CSMD1: variants seen among roughly 807,000 people sequenced by gnomAD.
The protein encoded by CSMD1 is CUB and sushi domain-containing protein 1.
CSMD1 carries 213 observed loss-of-function variants against 417.5 expected under a neutral mutation model. The observed-to-expected ratio is 0.51, with a 90% CI of 0.46 to 0.57. CSMD1 has a LOEUF of 0.57. CSMD1 is among the 20% of genes least tolerant of loss of function. CSMD1 has a pLI of 0.00. For missense variants in CSMD1, 6,923 were observed against 4,529.7 expected (o/e 1.53, Z -15.17); for synonymous variants, 2,862 against 1,736.8 (o/e 1.65, Z -16.11).
chr8:3,625,829 T>C (rs1367379071), intron 7 of CSMD1, among the ~76,000 whole-genome samples: 2 of 152,150 alleles, frequency 1.3e-5, no homozygotes, highest in African/African-American at 2.4e-5. Flanking sequence ...AGGTTATTTT[T>C]CTATCAGAGG....
chr8:4,392,658 TA>T (rs1803924265), intron 3 of CSMD1, among the ~76,000 whole-genome samples: 3 of 150,572 alleles, frequency 2.0e-5, no homozygotes, highest in East Asian at 2.0e-4. Flanking sequence ...TTATTATTAT[TA>T]TTATTATTTT....
chr8:3,162,039 T>G, intron 38 of CSMD1, 120 bp downstream of exon 38: 1 of 662,546 alleles, frequency 1.5e-6, no homozygotes, highest in South Asian at 1.8e-5. Flanking sequence ...TTAATATGAA[T>G]AGTATGATTC....
At chr8:4,374,988 C>T (rs1380939927) in intron 3 of CSMD1, among the ~76,000 whole-genome samples, 26 of 107,470 alleles carry the variant, frequency 2.4e-4, no homozygotes, top group Admixed American at 2.3e-3. Flanking sequence ...AGTGGGGGTA[C>T]GGGCAAGGAG....
chr8:3,627,827 G>C (rs908036157), intron 7 of CSMD1, among the ~76,000 whole-genome samples: 17 of 152,152 alleles, frequency 1.1e-4, no homozygotes, highest in African/African-American at 3.9e-4. Flanking sequence ...ATATATTAAG[G>C]TGTCTGATTT....
intron 5 of CSMD1, among the ~76,000 whole-genome samples, chr8:3,773,093 C>G (rs772251169): frequency 6.6e-6 from 1 of 152,150 alleles, no homozygotes; most frequent in Non-Finnish European, 1.5e-5. Flanking sequence ...ACTAATCACA[C>G]TCACGAGGGC....
At chr8:3,031,122 GT>G (rs2128977504) in intron 50 of CSMD1, among the ~76,000 whole-genome samples, 1 of 151,984 alleles carries the variant, frequency 6.6e-6, no homozygotes, top group South Asian at 2.1e-4. Context: ...TAGCAAAACT[GT>G]TTCTGAAAAG....
chr8:4,609,964 TG>T (rs1407258031), intron 2 of CSMD1, among the ~76,000 whole-genome samples: 1 of 152,112 alleles, frequency 6.6e-6, no homozygotes. Flanking sequence ...ACTACCTAAT[TG>T]GTAATTCCTT....
intron 3 of CSMD1, among the ~76,000 whole-genome samples, chr8:4,103,880 T>A (rs17069006): frequency 0.13 from 19,495 of 152,228 alleles, 1,509 homozygotes; most frequent in South Asian, 0.34. Flanking sequence ...CTCTTGCAGT[T>A]AATATTTGTT....
intron 3 of CSMD1, among the ~76,000 whole-genome samples, chr8:4,260,474 T>C (rs1803800679): frequency 6.6e-6 from 1 of 152,182 alleles, no homozygotes; most frequent in African/African-American, 2.4e-5. Context: ...GTGAACATTG[T>C]TCACCTGAAG....
chr8:3,119,048 C>T (rs917046294), intron 41 of CSMD1, among the ~76,000 whole-genome samples: 19 of 151,912 alleles, frequency 1.3e-4, no homozygotes, highest in African/African-American at 2.2e-4. Flanking sequence ...GGCGTGGTGG[C>T]GGGCGCCTGT....
At chr8:3,621,977 TTG>T (rs761885907) in intron 7 of CSMD1, among the ~76,000 whole-genome samples, 2 of 124,724 alleles carry the variant, frequency 1.6e-5, no homozygotes, top group Admixed American at 8.5e-5. Context: ...CTCTCTCTCT[TTG>T]TGTGTGTGTG....
rs555818872 is a variant in CSMD1, at chr8:4,655,341, C to T, written c.86-17783G>A. Among the ~76,000 whole-genome samples the T allele has an allele frequency of 1.2e-3, 185 of 152,110 alleles. 1 individual carries two copies. The highest frequency in any genetic ancestry group is 4.2e-3 in the African/African-American group (173 of 41,428). On this transcript the variant is annotated intron_variant, in intron 1 of 69. Transcript: ENST00000635120. ...CTCAATGGCCACTGGTTGCAATCGA[C>T]CTGCTGAAGGTTTGAAAGTGGCTTC...
At chr8:3,758,672 A>G (rs1313408081) in intron 5 of CSMD1, among the ~76,000 whole-genome samples, 1 of 152,214 alleles carries the variant, frequency 6.6e-6, no homozygotes, top group East Asian at 1.9e-4. Flanking sequence ...GAGATTTAGA[A>G]GAAAAGAATT....
chr8:4,350,653 G>C (rs998146811), intron 3 of CSMD1, among the ~76,000 whole-genome samples: 1 of 152,206 alleles, frequency 6.6e-6, no homozygotes, highest in Non-Finnish European at 1.5e-5. Flanking sequence ...GTTGACTCAT[G>C]AAATTTACTA....
At chr8:3,361,202 A>G (rs1809141420) in intron 20 of CSMD1, among the ~76,000 whole-genome samples, 2 of 152,230 alleles carry the variant, frequency 1.3e-5, no homozygotes, top group African/African-American at 4.8e-5. Flanking sequence ...TTTACTTTTT[A>G]GAACATATTA....
At chr8:3,919,067 C>T (rs1456859595) in intron 5 of CSMD1, among the ~76,000 whole-genome samples, 2 of 151,424 alleles carry the variant, frequency 1.3e-5, no homozygotes, top group Non-Finnish European at 2.9e-5. Context: ...AATTTTCTCC[C>T]ATTCCATAGG....
intron 3 of CSMD1, among the ~76,000 whole-genome samples, chr8:4,254,433 G>T (rs1020248046): frequency 5.9e-5 from 9 of 152,140 alleles, no homozygotes; most frequent in Non-Finnish European, 8.8e-5. Flanking sequence ...AGATTATAGT[G>T]GAGCTGAACA....
At chr8:4,538,570 G>A (rs2130501850) in intron 2 of CSMD1, among the ~76,000 whole-genome samples, 2 of 151,942 alleles carry the variant, frequency 1.3e-5, no homozygotes, top group Middle Eastern at 6.8e-3. Context: ...TTGAACCCAG[G>A]AGTTGGACGT....
intron 3 of CSMD1, among the ~76,000 whole-genome samples, chr8:4,331,058 C>G (rs1799842484): frequency 6.6e-6 from 1 of 152,142 alleles, no homozygotes; most frequent in South Asian, 2.1e-4. Flanking sequence ...ACTATTTCTT[C>G]ATAATTTTTG....
Sources: allele counts gnomAD v4.1 joint callset (sites outside exome capture counted in the v4.1 genomes callset), GRCh38; gene constraint gnomAD v4.1.1; transcripts MANE v1.5; gene names NCBI Gene and HGNC (gene_info 2026-07-23, HGNC 2026-07-21).